The following MMS22L variants were observed in gnomAD, a reference collection of about 807,000 sequenced individuals.
The protein encoded by MMS22L is protein MMS22-like.
In MMS22L, 74 loss-of-function variants were observed where a neutral mutation model predicts 159.1. The observed-to-expected ratio is 0.47, with a 90% CI of 0.39 to 0.56. The LOEUF is 0.56. Ranked by LOEUF, MMS22L falls within the 20% of genes least tolerant of loss-of-function variation. MMS22L has a pLI of 0.00. For missense variants in MMS22L, 1,351 were observed against 1,422.1 expected, an observed-to-expected ratio of 0.95 and a Z score of 0.80; for synonymous variants, 517 against 506.9, an observed-to-expected ratio of 1.02 and a Z score of -0.27.
chr6:97,242,856 C>T (rs755204116), intron 11 of MMS22L, among the ~76,000 whole-genome samples: 39 of 152,168 alleles, frequency 2.6e-4, no homozygotes, highest in Admixed American at 3.3e-4. Flanking sequence ...TTTCACTGGA[C>T]ACAACATTCT....
At chr6:97,245,536 T>G (rs964423429) in intron 11 of MMS22L, among the ~76,000 whole-genome samples, 2 of 152,052 alleles carry the variant, frequency 1.3e-5, no homozygotes, top group African/African-American at 4.8e-5. Context: ...AAAAAACTTT[T>G]TAAGTTACTA....
At position 97,165,410 on chromosome 6, in the gene MMS22L, C is replaced by T; in HGVS notation, c.3057G>A (p.Leu1019=). 5 of 1,613,068 alleles carry T rather than the reference C, an allele frequency of 3.1e-6. No individual in the cohort carries two copies. The highest frequency in any genetic ancestry group is 4.2e-6 in the Non-Finnish European group (5 of 1,179,528). ...CCQSQNPNAY[L]NQLLGNVIEQ... is the part of the protein sequence containing the mutation. ...CAATAACATTCCCTAGCAATTGATT[C>T]AAATAGGCATTCGGATTTTGAGATT... The change falls in exon 21 of 25, where the codon TTG becomes TTA. Residue 1019 remains leucine (L), a synonymous_variant. Transcript: ENST00000683635.
chr6:97,201,804 G>GT (rs1807197811), intron 14 of MMS22L, among the ~76,000 whole-genome samples: 1 of 152,206 alleles, frequency 6.6e-6, no homozygotes, highest in Admixed American at 6.5e-5. Flanking sequence ...TACTCTATGA[G>GT]TGCAATCTAT....
At chr6:97,216,807 T>C (rs898806435) in intron 14 of MMS22L, among the ~76,000 whole-genome samples, 2 of 152,194 alleles carry the variant, frequency 1.3e-5, no homozygotes, top group Non-Finnish European at 2.9e-5. Context: ...ATAAATAAGA[T>C]TGGGAAAAGT....
chr6:97,241,734 G>T (rs984063091), intron 11 of MMS22L, among the ~76,000 whole-genome samples: 4 of 152,232 alleles, frequency 2.6e-5, no homozygotes, highest in Middle Eastern at 3.4e-3. Context: ...TTTGATGTAG[G>T]CATTTAATGC....
chr6:97,155,232 A>G (rs908131792), intron 22 of MMS22L, among the ~76,000 whole-genome samples: 6 of 152,158 alleles, frequency 3.9e-5, no homozygotes, highest in African/African-American at 1.4e-4. Flanking sequence ...TGTTTTCTTA[A>G]TGACTCGTGT....
intron 8 of MMS22L, chr6:97,265,763 G>GA (rs1815035570): frequency 6.6e-6 from 1 of 151,492 alleles, no homozygotes; most frequent in Non-Finnish European, 1.5e-5. Context: ...TGCCAGGCTG[G>GA]AGTGCAGTGG....
intron 19 of MMS22L, among the ~76,000 whole-genome samples, chr6:97,170,462 GT>G (rs11317728): frequency 0.55 from 82,464 of 149,174 alleles, 23,429 homozygotes; most frequent in African/African-American, 0.7. Context: ...AAAAACCTAA[GT>G]TTTTTTTTTT....
chr6:97,249,577 C>T (rs984004760), intron 10 of MMS22L, among the ~76,000 whole-genome samples: 2 of 152,192 alleles, frequency 1.3e-5, no homozygotes, highest in East Asian at 3.9e-4. Context: ...TGACATAGTG[C>T]TTCCTCAAAA....
chr6:97,209,568 G>C (rs950215725), intron 14 of MMS22L, among the ~76,000 whole-genome samples: 1 of 151,830 alleles, frequency 6.6e-6, no homozygotes, highest in Non-Finnish European at 1.5e-5. Flanking sequence ...CAAAGCAAAA[G>C]ATAATGAGAA....
In MMS22L at chr6:97,204,390, G is replaced by T. The variant is rs113894876; in HGVS notation, c.2040-17700C>A. On this transcript the variant is annotated intron_variant, in intron 14 of 24. Coordinates refer to ENST00000683635, the MANE Select transcript of MMS22L (RefSeq NM_001350599.2). ...ATTAACTGGATGTATAATGGACACT[G>T]AAGAGGCAGGTATTAGGCATGACAT... Among the ~76,000 whole-genome samples, 948 of 152,294 alleles carry T rather than the reference G, an allele frequency of 6.2e-3. 7 individuals are homozygous for T. The highest frequency in any genetic ancestry group is 0.022 in the African/African-American group (897 of 41,546).
chr6:97,185,853 ACTT>A (rs1805170321), intron 15 of MMS22L, among the ~76,000 whole-genome samples: 1 of 152,208 alleles, frequency 6.6e-6, no homozygotes, highest in Admixed American at 6.5e-5. Flanking sequence ...CTATTCCAAT[ACTT>A]CTTAACATAT....
Position 97,254,686 on chromosome 6 carries a change from T to C in MMS22L, c.990A>G (p.Lys330=). 1 of 1,611,442 alleles carries C rather than the reference T, an allele frequency of 6.2e-7. No individual in the cohort carries two copies. Among genetic ancestry groups the C allele is most frequent in the Non-Finnish European group, 8.5e-7 (1 of 1,179,266 alleles). ...LNKLLKTLLE[K]SSDRRRSSMP... is the part of the protein sequence containing the mutation. ...TAGAGGATCTTCTTCGGTCACTTGATTTTTCAAGCAGTGTTTTAAGTAGTT... is the reference window on the plus strand; with the variant it reads ...TAGAGGATCTTCTTCGGTCACTTGACTTTTCAAGCAGTGTTTTAAGTAGTT... Residue 330 remains lysine (K), a synonymous_variant, in exon 10 of 25, where the codon AAA becomes AAG. Transcript: ENST00000683635.
chr6:97,177,468 A>C (rs956334780), intron 18 of MMS22L, among the ~76,000 whole-genome samples: 19 of 152,248 alleles, frequency 1.2e-4, no homozygotes, highest in Non-Finnish European at 2.6e-4. Flanking sequence ...AGCATTCAGC[A>C]AAAAACTCAT....
intron 16 of MMS22L, among the ~76,000 whole-genome samples, chr6:97,180,521 T>A (rs1011445588): frequency 1.3e-5 from 2 of 152,086 alleles, no homozygotes; most frequent in Non-Finnish European, 2.9e-5. Flanking sequence ...ACCACAAATC[T>A]AAAAATGTTT....
chr6:97,281,117 G>A (rs938121861), intron 3 of MMS22L, 120 bp downstream of exon 3: 25 of 949,204 alleles, frequency 2.6e-5, no homozygotes, highest in African/African-American at 3.3e-5. Flanking sequence ...AGATAATCAA[G>A]TGAGCAACCA....
chr6:97,229,291 C>A lies in MMS22L; in HGVS notation c.1642G>T (p.Ala548Ser), dbSNP rs528962818. 99 of 1,614,126 alleles carry A rather than the reference C, an allele frequency of 6.1e-5. No homozygotes were observed. The South Asian group carries it at 1.0e-3, about 17-fold the overall frequency. ...TTCAGGAGGTCTAAAACATGACTTG[C>A]AACATCTTCTACCTCTGCAACAGCT... ...LAAVAEVEDV[A>S]SHVLDLLNFL... The change falls in exon 14 of 25, where the codon GCA becomes TCA. Residue 548 changes from alanine (A) to serine (S), a missense_variant. Transcript: ENST00000683635.
chr6:97,259,919 C>T (rs1046102366), intron 9 of MMS22L: 1 of 151,978 alleles, frequency 6.6e-6, no homozygotes, highest in Non-Finnish European at 1.5e-5. Context: ...AGAGTAAATT[C>T]CTGGAAGTGG....
At chr6:97,161,971 A>T in intron 22 of MMS22L, 31 bp downstream of exon 22, 2 of 1,592,190 alleles carry the variant, frequency 1.3e-6, no homozygotes. Context: ...GTAAAAAGAA[A>T]ATGGTAACAA....
Sources: allele counts gnomAD v4.1 joint callset (sites outside exome capture counted in the v4.1 genomes callset), GRCh38; gene constraint gnomAD v4.1.1; transcripts MANE v1.5; gene names NCBI Gene and HGNC (gene_info 2026-07-23, HGNC 2026-07-21).